HHAT: variants seen among roughly 807,000 people sequenced by gnomAD.
The protein encoded by HHAT is hedgehog acyltransferase, also known as protein-cysteine N-palmitoyltransferase HHAT.
In HHAT, 47 loss-of-function variants were observed where a neutral mutation model predicts 70.8. The ratio of observed to expected loss-of-function variants is 0.66; its 90% CI spans 0.53 to 0.85. The LOEUF is 0.85. HHAT is among the 40% of genes least tolerant of loss of function. The pLI is 0.00. For synonymous variants in HHAT, 228 were observed against 247.6 expected, an observed-to-expected ratio of 0.92 and a Z score of 0.74; for missense variants, 609 against 604.8, an observed-to-expected ratio of 1.01 and a Z score of -0.07.
At chr1:210,514,577 CT>C (rs2095021729) in intron 9 of HHAT, among the ~76,000 whole-genome samples, 1 of 152,024 alleles carries the variant, frequency 6.6e-6, no homozygotes, top group South Asian at 2.1e-4. Flanking sequence ...CTTATTTTTT[CT>C]AGTAAATTTA....
At chr1:210,572,890 C>T (rs1399710241) in intron 9 of HHAT, among the ~76,000 whole-genome samples, 2 of 152,086 alleles carry the variant, frequency 1.3e-5, no homozygotes, top group Non-Finnish European at 2.9e-5. Flanking sequence ...AGTGAGACCC[C>T]CCACTCAAAC....
At chr1:210,446,624 G>A (rs1337989028) in intron 7 of HHAT, among the ~76,000 whole-genome samples, 1 of 152,068 alleles carries the variant, frequency 6.6e-6, no homozygotes, top group Non-Finnish European at 1.5e-5. Context: ...CTGTGCTCCT[G>A]CACTGTGGGC....
At chr1:210,384,414 A>G (rs1037524598) in intron 3 of HHAT, among the ~76,000 whole-genome samples, 1 of 152,198 alleles carries the variant, frequency 6.6e-6, no homozygotes, top group African/African-American at 2.4e-5. Flanking sequence ...ATTCAGCTGT[A>G]GGAAGGCATA....
intron 10 of HHAT, among the ~76,000 whole-genome samples, chr1:210,595,792 C>T (rs572295264): frequency 1.1e-3 from 169 of 152,160 alleles, no homozygotes; most frequent in African/African-American, 3.7e-3. Flanking sequence ...TCATATCCTT[C>T]GCCCACTTTT....
At chr1:210,617,944 A>G (rs561918506) in intron 10 of HHAT, among the ~76,000 whole-genome samples, 2 of 152,268 alleles carry the variant, frequency 1.3e-5, no homozygotes, top group East Asian at 3.9e-4. Flanking sequence ...AACTCAGGAG[A>G]TTCTGTAACT....
intron 7 of HHAT, among the ~76,000 whole-genome samples, chr1:210,451,403 A>G (rs2093754452): frequency 6.6e-6 from 1 of 152,224 alleles, no homozygotes; most frequent in African/African-American, 2.4e-5. Context: ...TTGGAACATT[A>G]CCTTTGAAAT....
At chr1:210,389,556 A>G (rs2091313253) in intron 4 of HHAT, among the ~76,000 whole-genome samples, 1 of 152,150 alleles carries the variant, frequency 6.6e-6, no homozygotes, top group African/African-American at 2.4e-5. Flanking sequence ...AGTTCTTATG[A>G]GATCTCGTTG....
At chr1:210,548,942 C>G (rs1311564711) in intron 9 of HHAT, among the ~76,000 whole-genome samples, 1 of 152,220 alleles carries the variant, frequency 6.6e-6, no homozygotes. Context: ...CTGAAGTTTA[C>G]TGCCAGGCTC....
intron 9 of HHAT, among the ~76,000 whole-genome samples, chr1:210,542,333 G>A (rs1236259145): frequency 6.6e-6 from 1 of 152,084 alleles, no homozygotes; most frequent in African/African-American, 2.4e-5. Context: ...GCTTACCAGG[G>A]ACATGGTCAT....
intron 9 of HHAT, among the ~76,000 whole-genome samples, chr1:210,552,014 C>G (rs2095531901): frequency 6.6e-6 from 1 of 152,212 alleles, no homozygotes; most frequent in Non-Finnish European, 1.5e-5. Flanking sequence ...AGTTTCCTTT[C>G]TTTGTGCTTC....
chr1:210,662,434 A>G (rs1248103920), intron 11 of HHAT, among the ~76,000 whole-genome samples: 1 of 152,200 alleles, frequency 6.6e-6, no homozygotes, highest in Non-Finnish European at 1.5e-5. Context: ...CTCATTTGCT[A>G]GGCAGCGTCC....
At chr1:210,346,383 C>T (rs1455289584) in intron 1 of HHAT, among the ~76,000 whole-genome samples, 1 of 152,202 alleles carries the variant, frequency 6.6e-6, no homozygotes, top group Non-Finnish European at 1.5e-5. Flanking sequence ...ATTACCTTCC[C>T]ACTAAAGGGA....
chr1:210,536,684 CA>C (rs548632684), intron 9 of HHAT, among the ~76,000 whole-genome samples: 99 of 152,322 alleles, frequency 6.5e-4, no homozygotes, highest in African/African-American at 2.3e-3. Flanking sequence ...TACAGGTGAT[CA>C]GGGGCAGTAG....
chr1:210,458,671 G>C (rs955049344), intron 7 of HHAT, among the ~76,000 whole-genome samples: 1 of 152,152 alleles, frequency 6.6e-6, no homozygotes, highest in Non-Finnish European at 1.5e-5. Context: ...GATAAAATGA[G>C]TGGTTCAATG....
At chr1:210,405,029 C>G (rs890232475) in intron 6 of HHAT, among the ~76,000 whole-genome samples, 6 of 152,116 alleles carry the variant, frequency 3.9e-5, no homozygotes, top group African/African-American at 1.4e-4. Flanking sequence ...GATGCTATTA[C>G]TTGAAGGAAT....
chr1:210,472,499 G>T (rs1014108015), intron 8 of HHAT, among the ~76,000 whole-genome samples: 1 of 152,158 alleles, frequency 6.6e-6, no homozygotes, highest in African/African-American at 2.4e-5. Context: ...TGGAGTATGG[G>T]GCTTGTGGGA....
intron 11 of HHAT, chr1:210,630,991 T>C (rs1377898459): frequency 4.5e-6 from 2 of 448,962 alleles, no homozygotes; most frequent in Non-Finnish European, 8.9e-6. Flanking sequence ...TATTTTTCTG[T>C]TACAGGAGGT....
At chr1:210,418,695 T>C (rs2148275331) in intron 7 of HHAT, among the ~76,000 whole-genome samples, 1 of 152,222 alleles carries the variant, frequency 6.6e-6, no homozygotes, top group Middle Eastern at 3.4e-3. Context: ...TGCTCCAAGA[T>C]TGAGTTGTTC....
At chr1:210,402,042 A>G (rs750389855) in intron 5 of HHAT, among the ~76,000 whole-genome samples, 6 of 152,250 alleles carry the variant, frequency 3.9e-5, no homozygotes, top group Non-Finnish European at 8.8e-5. Context: ...CACCCTTTAC[A>G]TGTTCAAGTT....
Sources: allele counts gnomAD v4.1 joint callset (sites outside exome capture counted in the v4.1 genomes callset), GRCh38; gene constraint gnomAD v4.1.1; transcripts MANE v1.5; gene names NCBI Gene and HGNC (gene_info 2026-07-23, HGNC 2026-07-21).